The following GALNT13 variants were observed in gnomAD, a reference collection of about 807,000 sequenced individuals.
GALNT13 encodes the protein UDP-GalNAc:polypeptide N-acetylgalactosaminyltransferase 13.
A neutral mutation model predicts 64.2 loss-of-function variants in GALNT13; 28 were observed. The observed-to-expected ratio is 0.44, with a 90% CI of 0.32 to 0.60. GALNT13 has a LOEUF of 0.60. Ranked by LOEUF, GALNT13 falls within the 20% of genes least tolerant of loss-of-function variation. The pLI, the probability that GALNT13 is intolerant of heterozygous loss-of-function variation, is 0.05. For synonymous variants in GALNT13, 214 were observed against 224.6 expected, an observed-to-expected ratio of 0.95 and a Z score of 0.42; for missense variants, 577 against 669.8, an observed-to-expected ratio of 0.86 and a Z score of 1.53.
the GALNT13 span, among the ~76,000 whole-genome samples, chr2:153,146,748 A>G: frequency 1.3e-5 from 2 of 151,930 alleles, no homozygotes; most frequent in Admixed American, 1.3e-4. Context: ...AGAGAAAGAT[A>G]CTTGAGCCTA....
the GALNT13 span, among the ~76,000 whole-genome samples, chr2:153,203,339 A>C: frequency 1.3e-5 from 2 of 152,214 alleles, no homozygotes; most frequent in African/African-American, 4.8e-5. Context: ...GACTGTTATA[A>C]ATTGAAAGCA....
the GALNT13 span, among the ~76,000 whole-genome samples, chr2:153,239,816 T>C: frequency 6.6e-6 from 1 of 152,190 alleles, no homozygotes; most frequent in Non-Finnish European, 1.5e-5. Context: ...CCTGGTTTGG[T>C]ATCAGGTTAA....
At chr2:153,693,744 C>T in the GALNT13 span, among the ~76,000 whole-genome samples, 1 of 152,152 alleles carries the variant, frequency 6.6e-6, no homozygotes, top group Non-Finnish European at 1.5e-5. Context: ...CCACATTTTA[C>T]ATGTAGAAAG....
chr2:153,342,550 ATTTGAC>A, the GALNT13 span, among the ~76,000 whole-genome samples: 2 of 152,258 alleles, frequency 1.3e-5, no homozygotes, highest in Admixed American at 1.3e-4. Flanking sequence ...TAAAGGAGCT[ATTTGAC>A]TTTATCAAAC....
At chr2:154,420,841 C>G (rs930197523) in intron 11 of GALNT13, among the ~76,000 whole-genome samples, 1 of 151,964 alleles carries the variant, frequency 6.6e-6, no homozygotes, top group African/African-American at 2.4e-5. Context: ...AACAGCGTTG[C>G]CTAGCCCACT....
chr2:153,784,231 A>G, the GALNT13 span, among the ~76,000 whole-genome samples: 1 of 152,220 alleles, frequency 6.6e-6, no homozygotes, highest in African/African-American at 2.4e-5. Context: ...TGGACAGTGA[A>G]GTCCAGGCTG....
At chr2:153,822,856 C>T in the GALNT13 span, among the ~76,000 whole-genome samples, 2 of 152,106 alleles carry the variant, frequency 1.3e-5, no homozygotes, top group African/African-American at 4.8e-5. Context: ...TGATATGATG[C>T]TATATCTAGA....
At chr2:153,230,616 G>A in the GALNT13 span, among the ~76,000 whole-genome samples, 12 of 152,108 alleles carry the variant, frequency 7.9e-5, no homozygotes, top group Non-Finnish European at 1.3e-4. Flanking sequence ...AACTACAGTA[G>A]AGCAATCATT....
At chr2:153,104,952 T>A in the GALNT13 span, among the ~76,000 whole-genome samples, 18 of 151,952 alleles carry the variant, frequency 1.2e-4, 1 homozygote, top group South Asian at 3.5e-3. Flanking sequence ...TAGTTACATA[T>A]GTATACATGT....
chr2:154,300,373 G>C (rs1031362133), intron 8 of GALNT13, among the ~76,000 whole-genome samples: 49 of 151,872 alleles, frequency 3.2e-4, no homozygotes, highest in African/African-American at 8.9e-4. Context: ...AAAGTGGTGG[G>C]ATTACAAGTG....
the GALNT13 span, among the ~76,000 whole-genome samples, chr2:153,145,043 A>G: frequency 3.9e-5 from 6 of 151,978 alleles, no homozygotes; most frequent in Non-Finnish European, 8.8e-5. Context: ...TACTTTATAA[A>G]TTACTCAATA....
At chr2:153,196,877 C>G in the GALNT13 span, among the ~76,000 whole-genome samples, 1 of 152,166 alleles carries the variant, frequency 6.6e-6, no homozygotes, top group Non-Finnish European at 1.5e-5. Flanking sequence ...TGCACTTGTC[C>G]CTGCTCCTGC....
chr2:153,102,035 T>C, the GALNT13 span, among the ~76,000 whole-genome samples: 2 of 152,198 alleles, frequency 1.3e-5, no homozygotes, highest in East Asian at 3.8e-4. Flanking sequence ...GCATTTTGTG[T>C]TTTTTGTTAT....
chr2:154,238,427 T>G (rs1689309206), intron 4 of GALNT13, among the ~76,000 whole-genome samples: 1 of 152,042 alleles, frequency 6.6e-6, no homozygotes, highest in Non-Finnish European at 1.5e-5. Context: ...ACTCTAGTGA[T>G]AAGAAAGCAT....
chr2:154,175,601 C>A (rs1685602415), intron 4 of GALNT13, among the ~76,000 whole-genome samples: 1 of 152,046 alleles, frequency 6.6e-6, no homozygotes, highest in Non-Finnish European at 1.5e-5. Flanking sequence ...CCACAGGCTC[C>A]TTGGAAAATC....
chr2:153,727,770 G>T, the GALNT13 span, among the ~76,000 whole-genome samples: 1 of 151,324 alleles, frequency 6.6e-6, no homozygotes, highest in Non-Finnish European at 1.5e-5. Context: ...GGATAAATGT[G>T]CTGAACATGT....
chr2:154,026,667 C>A (rs1697988589), intron 3 of GALNT13, among the ~76,000 whole-genome samples: 2 of 152,116 alleles, frequency 1.3e-5, no homozygotes, highest in Non-Finnish European at 2.9e-5. Context: ...TATAAGGTAA[C>A]AGTCCTGTTG....
intron 9 of GALNT13, among the ~76,000 whole-genome samples, chr2:154,346,955 T>C (rs1299701133): frequency 1.3e-5 from 2 of 152,122 alleles, no homozygotes; most frequent in Non-Finnish European, 2.9e-5. Context: ...GTTCTCATCC[T>C]GGTATGAAAA....
the GALNT13 span, among the ~76,000 whole-genome samples, chr2:153,151,257 A>G: frequency 2.0e-5 from 3 of 152,136 alleles, no homozygotes; most frequent in African/African-American, 7.2e-5. Context: ...CCATCAGAGA[A>G]ATGCAAATCA....
Sources: gnomAD v4.1 joint callset for allele counts (sites outside exome capture counted in the v4.1 genomes callset) on GRCh38, gnomAD v4.1.1 for gene constraint, MANE v1.5 for transcripts, NCBI Gene and HGNC (gene_info 2026-07-23, HGNC 2026-07-21) for gene names.